SYN3: variants seen among roughly 807,000 people sequenced by gnomAD.
SYN3 encodes synapsin-3.
Under a neutral mutation model 65.8 loss-of-function variants are expected in SYN3, and 35 were observed. The ratio of observed to expected loss-of-function variants is 0.53; its 90% confidence interval spans 0.41 to 0.70. SYN3 has a LOEUF of 0.70. Ranked by LOEUF, SYN3 falls within the 30% of genes least tolerant of loss-of-function variation. SYN3 has a pLI of 0.00. For missense variants in SYN3, 680 were observed against 749.0 expected (o/e 0.91, Z 1.08); for synonymous variants, 270 against 292.9 (o/e 0.92, Z 0.80).
chr22:32,852,196 A>AT (rs1482778137), intron 6 of SYN3, among the ~76,000 whole-genome samples: 12 of 152,196 alleles, frequency 7.9e-5, no homozygotes, highest in Non-Finnish European at 1.3e-4. Context: ...AACTGTTAAG[A>AT]TTATATGGCC....
intron 1 of SYN3, among the ~76,000 whole-genome samples, chr22:33,007,287 G>A (rs2053221187): frequency 6.6e-6 from 1 of 152,156 alleles, no homozygotes; most frequent in African/African-American, 2.4e-5. Context: ...CTACAAAGAT[G>A]TACAAGTTGA....
rs1309930807 is a variant in SYN3, at chr22:32,533,823, G to A, written c.1065C>T (p.His355=). Residue 355 remains histidine (H), a synonymous_variant, in exon 10 of 14, where the codon CAC becomes CAT. Transcript: ENST00000358763. ...TGATGTAATCTCTGCCATCCTTGCT[G>A]TGGACAGCCTTGACGGCACAGATGT... ...GLDICAVKAV[H]SKDGRDYIIE... 6.2e-7 allele frequency: 1 copy of A among 1,613,850 alleles called. No individual in the cohort carries two copies. Among genetic ancestry groups the A allele is most frequent in the Non-Finnish European group, 8.5e-7 (1 of 1,179,816 alleles).
chr22:32,618,548 C>G (rs978138017), intron 6 of SYN3, among the ~76,000 whole-genome samples: 9 of 152,182 alleles, frequency 5.9e-5, no homozygotes, highest in African/African-American at 2.2e-4. Context: ...GGCAAATGAG[C>G]AAGGGCAATG....
At chr22:32,719,340 G>A (rs1039853107) in intron 6 of SYN3, among the ~76,000 whole-genome samples, 1 of 152,166 alleles carries the variant, frequency 6.6e-6, no homozygotes, top group African/African-American at 2.4e-5. Context: ...GGAGCCCACA[G>A]ATAAGTATCT....
intron 5 of SYN3, among the ~76,000 whole-genome samples, chr22:32,867,454 G>A (rs1249074043): frequency 6.6e-6 from 1 of 152,162 alleles, no homozygotes; most frequent in Non-Finnish European, 1.5e-5. Context: ...CTACATGAAC[G>A]AATAACTTCT....
intron 1 of SYN3, among the ~76,000 whole-genome samples, chr22:33,010,810 T>C (rs890512224): frequency 6.6e-6 from 1 of 152,220 alleles, no homozygotes; most frequent in Non-Finnish European, 1.5e-5. Context: ...ATTTTCAATA[T>C]AGAGATCTCG....
At chr22:33,048,355 T>G (rs1306298951) in intron 1 of SYN3, among the ~76,000 whole-genome samples, 1 of 152,180 alleles carries the variant, frequency 6.6e-6, no homozygotes, top group East Asian at 1.9e-4. Context: ...TATTCATTCT[T>G]TAGGTTCTAA....
chr22:32,599,009 C>T (rs1468776120), intron 6 of SYN3, among the ~76,000 whole-genome samples: 1 of 152,048 alleles, frequency 6.6e-6, no homozygotes, highest in East Asian at 1.9e-4. Context: ...ATAAAGACGT[C>T]AATAAAAATC....
chr22:33,017,773 T>TTG (rs397801033), intron 1 of SYN3, among the ~76,000 whole-genome samples: 50 of 150,600 alleles, frequency 3.3e-4, no homozygotes, highest in African/African-American at 1.1e-3. Flanking sequence ...TTTTTTTTTT[T>TTG]GTAGAATCTT....
At chr22:32,569,555 C>CTATATATA (rs1230609085) in intron 7 of SYN3, among the ~76,000 whole-genome samples, 4 of 109,718 alleles carry the variant, frequency 3.6e-5, no homozygotes, top group Admixed American at 9.0e-5. Context: ...CTCTCTCTCT[C>CTATATATA]TCTCTCTCTC....
At chr22:32,572,732 G>C (rs1188850263) in intron 7 of SYN3, among the ~76,000 whole-genome samples, 1 of 151,928 alleles carries the variant, frequency 6.6e-6, no homozygotes, top group South Asian at 2.1e-4. Context: ...ATAGATGGGA[G>C]CCACTATATC....
At chr22:32,832,423 A>C (rs981118806) in intron 6 of SYN3, among the ~76,000 whole-genome samples, 1 of 152,180 alleles carries the variant, frequency 6.6e-6, no homozygotes, top group African/African-American at 2.4e-5. Context: ...TCCAGGAGGA[A>C]ATGATTTGTC....
chr22:32,859,039 A>G (rs996357196), intron 6 of SYN3: 1 of 770,146 alleles, frequency 1.3e-6, no homozygotes, highest in South Asian at 1.4e-5. Context: ...AGCTAGTGCT[A>G]TTTATATTAT....
At chr22:32,814,313 G>GACAA (rs774703088) in intron 6 of SYN3, among the ~76,000 whole-genome samples, 2 of 39,674 alleles carry the variant, frequency 5.0e-5, no homozygotes, top group Admixed American at 3.0e-4. Context: ...GAGAGAGAGA[G>GACAA]AGACAGAAAG....
chr22:32,672,706 CCTTT>C, intron 6 of SYN3, among the ~76,000 whole-genome samples: 1 of 152,348 alleles, frequency 6.6e-6, no homozygotes, highest in East Asian at 1.9e-4. Context: ...TCTCAACAGC[CCTTT>C]CTTTCTCCCT....
At chr22:32,736,388 A>T (rs1021227014) in intron 6 of SYN3, among the ~76,000 whole-genome samples, 1 of 152,128 alleles carries the variant, frequency 6.6e-6, no homozygotes, top group Admixed American at 6.5e-5. Flanking sequence ...AGTTTTTGAC[A>T]CTCATCTATG....
chr22:32,577,571 TA>T (rs754609043), intron 7 of SYN3, among the ~76,000 whole-genome samples: 8 of 152,262 alleles, frequency 5.3e-5, no homozygotes, highest in Non-Finnish European at 1.2e-4. Flanking sequence ...ATCATGACTC[TA>T]ACTGGATTCT....
At chr22:33,029,452 G>A (rs2053711077) in intron 1 of SYN3, among the ~76,000 whole-genome samples, 1 of 151,958 alleles carries the variant, frequency 6.6e-6, no homozygotes, top group Admixed American at 6.6e-5. Context: ...CAAAGCGCTG[G>A]GATTACAGGT....
intron 6 of SYN3, among the ~76,000 whole-genome samples, chr22:32,808,908 C>T (rs945360382): frequency 1.3e-5 from 2 of 152,198 alleles, no homozygotes; most frequent in African/African-American, 4.8e-5. Flanking sequence ...GAGGGATAAA[C>T]CTAACCCACT....
Sources: allele counts gnomAD v4.1 joint callset (sites outside exome capture counted in the v4.1 genomes callset), GRCh38; gene constraint gnomAD v4.1.1; transcripts MANE v1.5; gene names NCBI Gene and HGNC (gene_info 2026-07-23, HGNC 2026-07-21).